The following STS variants were observed in gnomAD, a reference collection of about 807,000 sequenced individuals.
STS encodes steryl-sulfatase.
STS carries 7 observed loss-of-function variants against 26.8 expected under a neutral mutation model. The observed-to-expected ratio is 0.26, with a 90% CI of 0.15 to 0.49. The LOEUF is 0.49. Among genes scored for constraint, STS ranks in the 20% least tolerant of loss-of-function variants. The pLI is 0.98. For synonymous variants in STS, 199 were observed against 189.4 expected (o/e 1.05, Z -0.42); for missense variants, 434 against 465.6 (o/e 0.93, Z 0.63).
chrX:7,296,063 T>C (rs1004071017), intron 7 of STS, among the ~76,000 whole-genome samples: 7 of 111,740 alleles, frequency 6.3e-5, no homozygotes, highest in African/African-American at 9.8e-5. Context: ...TGTTTCCCAG[T>C]CCATTGTTCA....
At chrX:7,323,607 C>G (rs1403518110) in intron 8 of STS, among the ~76,000 whole-genome samples, 3 of 111,936 alleles carry the variant, frequency 2.7e-5, no homozygotes, top group Non-Finnish European at 5.6e-5. Context: ...GCCACATTTT[C>G]TTTATCCAAT....
intron 9 of STS, 72 bp downstream of exon 9, chrX:7,325,570 C>T (rs927176818): frequency 9.6e-6 from 11 of 1,148,724 alleles, no homozygotes; most frequent in South Asian, 5.4e-5. Flanking sequence ...GGTTTGCCTG[C>T]ATAATGGTGT....
At chrX:7,195,934 T>G (rs1933964488) in intron 2 of STS, among the ~76,000 whole-genome samples, 2 of 112,491 alleles carry the variant, frequency 1.8e-5, no homozygotes, top group Non-Finnish European at 1.9e-5. Flanking sequence ...TTAAGCTGTT[T>G]ATGTAAAGAC....
chrX:7,236,386 A>G (rs755707997), intron 2 of STS, among the ~76,000 whole-genome samples: 1 of 112,212 alleles, frequency 8.9e-6, no homozygotes, highest in Admixed American at 9.6e-5. Context: ...AAGCCACGAG[A>G]TTAGAAGTTA....
intron 1 of STS, among the ~76,000 whole-genome samples, chrX:7,153,417 C>T (rs1165397001): frequency 1.0e-5 from 1 of 97,619 alleles, no homozygotes; most frequent in Non-Finnish European, 2.0e-5. Context: ...TGTCTTCCTC[C>T]TGTCCTCCTC....
At chrX:7,160,097 T>C (rs1337635522) in intron 1 of STS, among the ~76,000 whole-genome samples, 1 of 112,255 alleles carries the variant, frequency 8.9e-6, no homozygotes, top group Non-Finnish European at 1.9e-5. Context: ...TCTTCTCTGC[T>C]GCTAAGATGT....
intron 3 of STS, among the ~76,000 whole-genome samples, chrX:7,255,592 C>G (rs1158763605): frequency 3.6e-5 from 4 of 111,584 alleles, no homozygotes; most frequent in African/African-American, 1.3e-4. Context: ...CTAAATCTGC[C>G]TTGGTCTCTG....
chrX:7,194,886 T>C (rs1181951917), intron 2 of STS, among the ~76,000 whole-genome samples: 1 of 111,617 alleles, frequency 9.0e-6, no homozygotes, highest in East Asian at 2.8e-4. Context: ...ACAAACCTAC[T>C]ATACACGCAG....
At chrX:7,296,562 C>G (rs1398960126) in intron 7 of STS, among the ~76,000 whole-genome samples, 1 of 112,024 alleles carries the variant, frequency 8.9e-6, no homozygotes, top group Non-Finnish European at 1.9e-5. Flanking sequence ...GGGTCTTCTC[C>G]CAGACACCGG....
chrX:7,325,971 T>C (rs1362886313), intron 9 of STS, among the ~76,000 whole-genome samples: 1 of 111,862 alleles, frequency 8.9e-6, no homozygotes, highest in Non-Finnish European at 1.9e-5. Context: ...TTATGGGCAG[T>C]TTTTACACAG....
intron 8 of STS, among the ~76,000 whole-genome samples, chrX:7,306,199 A>C (rs1382524043): frequency 9.0e-6 from 1 of 111,365 alleles, no homozygotes; most frequent in African/African-American, 3.3e-5. Context: ...ATACATAGCT[A>C]ATATTTAATG....
intron 8 of STS, among the ~76,000 whole-genome samples, chrX:7,320,289 C>T (rs1157067268): frequency 1.9e-5 from 2 of 107,203 alleles, no homozygotes; most frequent in African/African-American, 6.8e-5. Flanking sequence ...TACCATCCTA[C>T]ACAACTATGG....
At chrX:7,261,969 T>G (rs1923770596) in intron 6 of STS, among the ~76,000 whole-genome samples, 1 of 112,244 alleles carries the variant, frequency 8.9e-6, no homozygotes, top group Non-Finnish European at 1.9e-5. Context: ...ATCTAAATTG[T>G]CATTGAACTG....
At chrX:7,157,332 G>T (rs1933155872) in intron 1 of STS, among the ~76,000 whole-genome samples, 1 of 111,296 alleles carries the variant, frequency 9.0e-6, no homozygotes, top group South Asian at 3.8e-4. Flanking sequence ...TCTTCTGTGG[G>T]ACTCCAGGAT....
chrX:7,256,423 A>T (rs1288902515), intron 3 of STS, among the ~76,000 whole-genome samples: 3 of 111,669 alleles, frequency 2.7e-5, no homozygotes, highest in South Asian at 3.7e-4. Flanking sequence ...CCTGGAGCGT[A>T]TTAACCCATT....
At chrX:7,307,606 C>A (rs1926281070) in intron 8 of STS, among the ~76,000 whole-genome samples, 1 of 111,945 alleles carries the variant, frequency 8.9e-6, no homozygotes, top group East Asian at 2.8e-4. Context: ...GGCAGGACAT[C>A]CCAAAGAAGG....
Position 7,327,014 on chromosome X carries a change from C to G in STS, c.1241+1516C>G, listed in dbSNP as rs190313570. Among the ~76,000 whole-genome samples the G allele has an allele frequency of 7.1e-5, 8 of 112,064 alleles. No individual in the cohort carries two copies. The East Asian group carries it at 2.0e-3, about 28-fold the overall frequency. On this transcript the variant is annotated intron_variant, in intron 9 of 10. Transcript: ENST00000674429. ...AAACCCCTTTTCATTCTTCCATGAT[C>G]GAGGACCCCAGTGATCTTTTCCTGA...
intron 2 of STS, among the ~76,000 whole-genome samples, chrX:7,218,532 G>A (rs1253840317): frequency 8.9e-6 from 1 of 112,360 alleles, no homozygotes; most frequent in Non-Finnish European, 1.9e-5. Context: ...GTAATGCTAA[G>A]AATATAGACA....
At chrX:7,313,882 T>A (rs1205590497) in intron 8 of STS, among the ~76,000 whole-genome samples, 1 of 111,935 alleles carries the variant, frequency 8.9e-6, no homozygotes, top group African/African-American at 3.2e-5. Context: ...GTAAGGGAAC[T>A]GTTAAAGAAT....
Sources: gnomAD v4.1 joint callset for allele counts (sites outside exome capture counted in the v4.1 genomes callset) on GRCh38, gnomAD v4.1.1 for gene constraint, MANE v1.5 for transcripts, NCBI Gene and HGNC (gene_info 2026-07-23, HGNC 2026-07-21) for gene names.